MAN2A1: variants seen among roughly 807,000 people sequenced by gnomAD.
The protein encoded by MAN2A1 is alpha-mannosidase 2.
A neutral mutation model predicts 142.6 loss-of-function variants in MAN2A1; 76 were observed. The observed-to-expected ratio is 0.53, with a 90% CI of 0.44 to 0.65. MAN2A1 has a LOEUF of 0.65. Among genes scored for constraint, MAN2A1 ranks in the 30% least tolerant of loss-of-function variants. MAN2A1 has a pLI of 0.00. For synonymous variants in MAN2A1, 559 were observed against 473.2 expected (o/e 1.18, Z -2.35); for missense variants, 1,311 against 1,365.1 (o/e 0.96, Z 0.62).
At chr5:109,714,191 T>TC (rs5870387) in intron 2 of MAN2A1, among the ~76,000 whole-genome samples, 4 of 151,580 alleles carry the variant, frequency 2.6e-5, no homozygotes, top group African/African-American at 9.7e-5. Flanking sequence ...TTTTTTTTTT[T>TC]CTTAATATCC....
chr5:109,810,710 G>C (rs1408688420), intron 12 of MAN2A1, among the ~76,000 whole-genome samples: 1 of 152,196 alleles, frequency 6.6e-6, no homozygotes, highest in African/African-American at 2.4e-5. Context: ...GCCCCAGAGT[G>C]AAAATGACTG....
chr5:109,710,936 C>T (rs569856314), intron 1 of MAN2A1, among the ~76,000 whole-genome samples: 9 of 152,242 alleles, frequency 5.9e-5, no homozygotes, highest in Non-Finnish European at 8.8e-5. Flanking sequence ...GTGATCCGCC[C>T]GCTTCGGACT....
At chr5:109,732,978 A>T (rs1486527427) in intron 4 of MAN2A1, among the ~76,000 whole-genome samples, 2 of 152,078 alleles carry the variant, frequency 1.3e-5, no homozygotes, top group African/African-American at 2.4e-5. Context: ...CACAATATTG[A>T]TTCTTTCTAC....
intron 1 of MAN2A1, among the ~76,000 whole-genome samples, chr5:109,712,343 C>A (rs1751324556): frequency 6.6e-6 from 1 of 152,064 alleles, no homozygotes; most frequent in African/African-American, 2.4e-5. Context: ...GCCTTTTCAC[C>A]ACTTCTGAAA....
intron 9 of MAN2A1, 101 bp downstream of exon 9, chr5:109,781,699 A>G: frequency 2.9e-6 from 2 of 696,504 alleles, no homozygotes; most frequent in Non-Finnish European, 2.2e-6. Flanking sequence ...GTAGTACATT[A>G]TGTAGTGTTA....
intron 4 of MAN2A1, among the ~76,000 whole-genome samples, chr5:109,752,145 C>T (rs1478976359): frequency 1.3e-5 from 2 of 152,122 alleles, no homozygotes; most frequent in Admixed American, 6.6e-5. Context: ...TATCTTCAGT[C>T]ATTTTCTAAT....
intron 7 of MAN2A1, among the ~76,000 whole-genome samples, chr5:109,771,552 C>A (rs1005252112): frequency 1.4e-4 from 21 of 152,044 alleles, no homozygotes; most frequent in African/African-American, 5.1e-4. Context: ...AAAAACTGCC[C>A]AAGGTTAGGG....
At chr5:109,749,556 T>C (rs1582856473) in intron 4 of MAN2A1, among the ~76,000 whole-genome samples, 1 of 152,094 alleles carries the variant, frequency 6.6e-6, no homozygotes, top group Non-Finnish European at 1.5e-5. Flanking sequence ...CTGGATTTGT[T>C]AGATAAACAT....
intron 19 of MAN2A1, chr5:109,853,474 CG>C (rs1755533543): frequency 6.6e-6 from 1 of 152,140 alleles, no homozygotes; most frequent in Non-Finnish European, 1.5e-5. Context: ...TATATATGCA[CG>C]TTATTGCTTC....
rs1433828094 is a variant in MAN2A1, at chr5:109,690,510, A to G, written c.93A>G (p.Leu31=). The G allele has an allele frequency of 5.6e-6, 9 of 1,612,972 alleles. No individual in the cohort carries two copies. Among genetic ancestry groups the G allele is most frequent in the Non-Finnish European group, 7.6e-6 (9 of 1,179,560 alleles). ...SLYLMLDRGH[L]DYPRNPRREG... ...ACCTGATGCTGGACCGGGGTCACTT[A>G]GACTACCCCAGGAACCCGCGCCGCG... The change falls in exon 1 of 22, where the codon TTA becomes TTG. Residue 31 remains leucine, a synonymous_variant. Transcript: ENST00000261483.
At chr5:109,803,142 G>A (rs751705576) in intron 12 of MAN2A1, among the ~76,000 whole-genome samples, 9 of 151,728 alleles carry the variant, frequency 5.9e-5, no homozygotes, top group Non-Finnish European at 8.8e-5. Flanking sequence ...TCCTTACCAG[G>A]CCCTTATAAT....
At chr5:109,707,399 T>TC (rs199934057) in intron 1 of MAN2A1, among the ~76,000 whole-genome samples, 2,814 of 152,278 alleles carry the variant, frequency 0.018, 33 homozygotes, top group Middle Eastern at 0.071. Flanking sequence ...TTCCTTTTTT[T>TC]CTCCCAATAA....
chr5:109,854,708 G>T (rs1464083544), intron 19 of MAN2A1: 1 of 153,360 alleles, frequency 6.5e-6, no homozygotes, highest in Non-Finnish European at 1.4e-5. Flanking sequence ...TCTTGTTAAG[G>T]GGTATAAATG....
Position 109,784,934 on chromosome 5 carries a change from A to G in MAN2A1, c.1760+8A>G. The G allele has an allele frequency of 6.4e-7, 1 of 1,554,664 alleles. No individual in the cohort carries two copies. The highest frequency in any genetic ancestry group is 1.2e-5 in the South Asian group (1 of 82,442). ...TGTGGATTATGGTACCAGGTAATCT[A>G]ATTATAGAAAAATCATCTTTAAAAA... On this transcript the variant is annotated splice_region_variant and intron_variant, in intron 10 of 21. Transcript: ENST00000261483.
intron 19 of MAN2A1, among the ~76,000 whole-genome samples, chr5:109,851,570 G>A (rs534215025): frequency 4.6e-5 from 7 of 152,280 alleles, no homozygotes; most frequent in South Asian, 2.1e-4. Context: ...CTCACCAGAT[G>A]CCAGTGCCAT....
intron 10 of MAN2A1, among the ~76,000 whole-genome samples, chr5:109,785,495 A>G (rs886141067): frequency 3.3e-5 from 5 of 152,108 alleles, no homozygotes; most frequent in African/African-American, 1.2e-4. Flanking sequence ...TATCAAAGCC[A>G]TCTTTAACTC....
chr5:109,860,896 C>G (rs1755738702), intron 20 of MAN2A1, among the ~76,000 whole-genome samples: 1 of 152,102 alleles, frequency 6.6e-6, no homozygotes, highest in South Asian at 2.1e-4. Context: ...CAATACTCTC[C>G]TTTTTCAGCC....
chr5:109,786,441 A>T (rs999605755), intron 10 of MAN2A1, among the ~76,000 whole-genome samples: 3 of 151,990 alleles, frequency 2.0e-5, no homozygotes, highest in Non-Finnish European at 4.4e-5. Flanking sequence ...GCTACAGAAG[A>T]TTTTTTGTAT....
intron 20 of MAN2A1, among the ~76,000 whole-genome samples, chr5:109,859,568 T>C (rs896243678): frequency 2.0e-5 from 3 of 152,194 alleles, no homozygotes; most frequent in African/African-American, 7.2e-5. Context: ...TCCCCTACAC[T>C]ATGAAGATCT....
Sources: gnomAD v4.1 joint callset for allele counts (sites outside exome capture counted in the v4.1 genomes callset) on GRCh38, gnomAD v4.1.1 for gene constraint, MANE v1.5 for transcripts, NCBI Gene and HGNC (gene_info 2026-07-23, HGNC 2026-07-21) for gene names.